The following CFAP47 variants were observed in gnomAD, a reference collection of about 807,000 sequenced individuals.
CFAP47 encodes the protein cilia and flagella associated protein 47, also known as cilia- and flagella-associated protein 47.
In CFAP47, 29 loss-of-function variants were observed where a neutral mutation model predicts 148.1. The observed-to-expected ratio is 0.20, with a 90% CI of 0.15 to 0.27. The LOEUF is 0.27. Ranked by LOEUF, CFAP47 falls within the 10% of genes least tolerant of loss-of-function variation. CFAP47 has a pLI of 1.00. For missense variants in CFAP47, 1,872 were observed against 1,697.5 expected, an observed-to-expected ratio of 1.10 and a Z score of -1.81; for synonymous variants, 664 against 577.3, an observed-to-expected ratio of 1.15 and a Z score of -2.15.
chrX:36,078,615 G>T (rs1359871509), intron 29 of CFAP47, among the ~76,000 whole-genome samples: 12 of 110,767 alleles, frequency 1.1e-4, no homozygotes, highest in Admixed American at 1.1e-3. Flanking sequence ...CATGAGATGG[G>T]TCTCCTGAAT....
intron 32 of CFAP47, among the ~76,000 whole-genome samples, chrX:36,103,501 GAA>G (rs61501194): frequency 0.012 from 184 of 15,021 alleles, no homozygotes; most frequent in African/African-American, 0.041. Flanking sequence ...TCATATGCCA[GAA>G]AAAAAAAAAA....
At chrX:36,251,564 T>C in intron 49 of CFAP47, 120 bp downstream of exon 49, 1 of 346,879 alleles carries the variant, frequency 2.9e-6, no homozygotes, top group Non-Finnish European at 5.0e-6. Flanking sequence ...CAGAAGAAAG[T>C]TTAATTTTAT....
At chrX:36,073,077 C>A in intron 28 of CFAP47, 62 bp from the exon 29 acceptor site, 1 of 787,825 alleles carries the variant, frequency 1.3e-6, no homozygotes, top group Non-Finnish European at 1.9e-6. Flanking sequence ...ATGACAATAA[C>A]TGACAGAATA....
chrX:36,263,591 C>A (rs1556000542), intron 49 of CFAP47, among the ~76,000 whole-genome samples: 1 of 112,050 alleles, frequency 8.9e-6, no homozygotes, highest in Non-Finnish European at 1.9e-5. Flanking sequence ...AGGAATACTG[C>A]CAAATGACAG....
intron 1 of CFAP47, among the ~76,000 whole-genome samples, chrX:35,924,205 A>T (rs1402555942): frequency 5.7e-5 from 6 of 105,307 alleles, no homozygotes; most frequent in Non-Finnish European, 1.2e-4. Context: ...ATATATGGAC[A>T]TGTATGTGTG....
At position 36,085,479 on chromosome X, in the gene CFAP47, C is replaced by A. The variant is rs866373128; in HGVS notation, c.4857C>A (p.Asn1619Lys). Residue 1619 changes from asparagine (N) to lysine (K), a missense_variant, in exon 30 of 64, where the codon AAC becomes AAA. By Grantham distance (94) the Asn-to-Lys change is moderately conservative (BLOSUM62 0). Coordinates refer to ENST00000378653, the MANE Select transcript of CFAP47 (RefSeq NM_001304548.2). ...CAAGTCAATCTTTACCTGTAGATAA[C>A]CATGAAAAAAGGGTAATTCAACTCC... ...INSSQSLPVD[N>K]HEKRVIQLHL... The A allele has an allele frequency of 2.5e-6, 3 of 1,206,810 alleles. No individual in the cohort carries two copies. Among genetic ancestry groups the A allele is most frequent in the Non-Finnish European group, 2.2e-6 (2 of 892,562 alleles).
rs759426426 is a variant in CFAP47 at position 36,102,181 on chromosome X, G to T, written c.5127+2302G>T. Among the ~76,000 whole-genome samples, 7 of 111,687 alleles carry T rather than the reference G, an allele frequency of 6.3e-5. No individual in the cohort carries two copies. The East Asian group carries it at 1.4e-3, about 23-fold the overall frequency. On this transcript the variant is annotated intron_variant, in intron 32 of 63. Coordinates refer to ENST00000378653, the MANE Select transcript of CFAP47 (RefSeq NM_001304548.2). ...AACAATGTTTTCTGAGGGCATGAAA[G>T]AATTTCCTGAGTATGGATCACAAAA...
At chrX:35,968,850 G>GA (rs1311613367) in intron 10 of CFAP47, among the ~76,000 whole-genome samples, 1 of 110,106 alleles carries the variant, frequency 9.1e-6, no homozygotes, top group Non-Finnish European at 1.9e-5. Context: ...TTATAGAAAA[G>GA]AAAATTCTGT....
At chrX:35,939,459 A>C (rs1935967350) in intron 2 of CFAP47, among the ~76,000 whole-genome samples, 1 of 66,803 alleles carries the variant, frequency 1.5e-5, no homozygotes, top group African/African-American at 6.0e-5. Flanking sequence ...CCCACCCCAC[A>C]ACAGTCCCCA....
chrX:36,059,785 G>A (rs1270172221), intron 26 of CFAP47, among the ~76,000 whole-genome samples: 1 of 111,978 alleles, frequency 8.9e-6, no homozygotes, highest in Non-Finnish European at 1.9e-5. Context: ...CAAATCTTAT[G>A]TTGAAATTTT....
intron 32 of CFAP47, among the ~76,000 whole-genome samples, chrX:36,101,466 CTT>C (rs774242459): frequency 9.0e-6 from 1 of 111,539 alleles, no homozygotes; most frequent in Non-Finnish European, 1.9e-5. Context: ...TCTGAGAAAT[CTT>C]TTCAGTTTTC....
At chrX:36,371,783 T>C (rs782729404) in intron 62 of CFAP47, among the ~76,000 whole-genome samples, 1 of 54,388 alleles carries the variant, frequency 1.8e-5, no homozygotes, top group Non-Finnish European at 2.8e-5. Flanking sequence ...CACATGTGTA[T>C]ATATGTGTGT....
intron 42 of CFAP47, among the ~76,000 whole-genome samples, chrX:36,191,479 A>T (rs1457757278): frequency 1.8e-5 from 2 of 112,124 alleles, no homozygotes; most frequent in Non-Finnish European, 3.8e-5. Flanking sequence ...ACATTAAAAT[A>T]AAACAACAAT....
At chrX:35,924,488 C>T (rs1299618609) in intron 1 of CFAP47, among the ~76,000 whole-genome samples, 2 of 102,739 alleles carry the variant, frequency 1.9e-5, no homozygotes, top group African/African-American at 7.2e-5. Flanking sequence ...TATATGTGCA[C>T]CTATATGTGT....
At chrX:36,319,100 C>T in intron 56 of CFAP47, 109 bp from the exon 57 acceptor site, 1 of 371,887 alleles carries the variant, frequency 2.7e-6, no homozygotes. Flanking sequence ...AGATATTCAT[C>T]TTATAAGTTT....
intron 15 of CFAP47, among the ~76,000 whole-genome samples, chrX:35,978,638 A>G (rs1936601243): frequency 8.9e-6 from 1 of 111,959 alleles, no homozygotes. Flanking sequence ...CTCATATAGC[A>G]TTGAAAAAAG....
intron 22 of CFAP47, among the ~76,000 whole-genome samples, chrX:36,029,091 A>G (rs1341687696): frequency 3.6e-5 from 4 of 110,423 alleles, no homozygotes; most frequent in South Asian, 3.7e-4. Flanking sequence ...CAGGAGTTTT[A>G]TTTTTTCCTG....
chrX:35,996,603 A>C (rs950776637), intron 18 of CFAP47, among the ~76,000 whole-genome samples: 1 of 111,673 alleles, frequency 9.0e-6, no homozygotes, highest in African/African-American at 3.2e-5. Context: ...TTGAGCAACT[A>C]TATGCTCAGA....
intron 32 of CFAP47, among the ~76,000 whole-genome samples, chrX:36,103,904 A>G (rs1421993753): frequency 1.8e-5 from 2 of 111,580 alleles, no homozygotes; most frequent in African/African-American, 3.3e-5. Context: ...TTTCATCTTA[A>G]TATCGCTAAA....
Sources: gnomAD v4.1 joint callset for allele counts (sites outside exome capture counted in the v4.1 genomes callset) on GRCh38, gnomAD v4.1.1 for gene constraint, MANE v1.5 for transcripts, NCBI Gene and HGNC (gene_info 2026-07-23, HGNC 2026-07-21) for gene names.